Variants in NR2F1-AS1 observed in about 807,000 individuals in gnomAD.
The protein encoded by NR2F1-AS1 is NR2F1 antisense RNA 1.
intron 4 of NR2F1-AS1, among the ~76,000 whole-genome samples, chr5:93,488,157 A>G (rs1044453785): frequency 6.6e-6 from 1 of 152,250 alleles, no homozygotes; most frequent in Non-Finnish European, 1.5e-5. Context: ...AAACCTATGC[A>G]ATATCATTCA....
At chr5:93,584,506 T>A (rs1346411462), upstream of NR2F1-AS1, 1 of 146,178 alleles carries the variant, frequency 6.8e-6, no homozygotes, top group African/African-American at 2.5e-5. Flanking sequence ...CCGTGGCCCA[T>A]GCCCGCCGCC....
chr5:93,524,994 T>A (rs1401486709), intron 4 of NR2F1-AS1, among the ~76,000 whole-genome samples: 2 of 152,156 alleles, frequency 1.3e-5, no homozygotes, highest in Non-Finnish European at 2.9e-5. Context: ...CAGGATCAAA[T>A]TCACATATAA....
intron 4 of NR2F1-AS1, among the ~76,000 whole-genome samples, chr5:93,527,085 T>C (rs1367061383): frequency 7.2e-5 from 11 of 152,298 alleles, no homozygotes; most frequent in Admixed American, 5.2e-4. Context: ...CATGACTGTA[T>C]ATTTAGAAAA....
chr5:93,565,201 T>G (rs1443976911), intron 1 of NR2F1-AS1, among the ~76,000 whole-genome samples: 4 of 152,148 alleles, frequency 2.6e-5, no homozygotes, highest in Admixed American at 2.6e-4. Flanking sequence ...CTCTGTCTTT[T>G]GTTTGTTTCA....
chr5:93,418,822 T>C (rs999118535), intron 4 of NR2F1-AS1, among the ~76,000 whole-genome samples: 3 of 152,168 alleles, frequency 2.0e-5, no homozygotes, highest in African/African-American at 4.8e-5. Flanking sequence ...TAATCAATTT[T>C]GATTTCAAGT....
chr5:93,530,572 T>C lies in NR2F1-AS1; in HGVS notation n.638+23189A>G, dbSNP rs893036356. 2.0e-5 allele frequency among the ~76,000 whole-genome samples: 3 copies of C among 152,182 alleles called. No homozygotes were observed. In the South Asian group the frequency reaches 6.2e-4, roughly 32 times the overall value. Reference sequence around the variant, plus strand: ...CCAATGGTAACAACCTTACTAGTAGTTGAGTGGCAAAGAGAAACAGATAAA... The same window carrying C: ...CCAATGGTAACAACCTTACTAGTAGCTGAGTGGCAAAGAGAAACAGATAAA... On this transcript the variant is annotated intron_variant and non_coding_transcript_variant, in intron 4 of 5. Coordinates refer to ENST00000660523, the Ensembl canonical transcript of NR2F1-AS1.
At chr5:93,516,189 C>G (rs1751398096) in intron 4 of NR2F1-AS1, among the ~76,000 whole-genome samples, 1 of 151,832 alleles carries the variant, frequency 6.6e-6, no homozygotes, top group African/African-American at 2.4e-5. Context: ...AACACACTTA[C>G]AGAGTGTTTT....
intron 4 of NR2F1-AS1, among the ~76,000 whole-genome samples, chr5:93,482,841 T>C (rs1399267371): frequency 1.3e-5 from 2 of 152,166 alleles, no homozygotes; most frequent in African/African-American, 4.8e-5. Flanking sequence ...TCTGGGAAGT[T>C]CCAACTGGGC....
intron 4 of NR2F1-AS1, among the ~76,000 whole-genome samples, chr5:93,474,130 T>A (rs1036662847): frequency 6.6e-6 from 1 of 152,158 alleles, no homozygotes; most frequent in Non-Finnish European, 1.5e-5. Context: ...TCTCCTCTAA[T>A]GTTTCAATAA....
At chr5:93,529,065 A>G (rs1751681375) in intron 4 of NR2F1-AS1, among the ~76,000 whole-genome samples, 2 of 152,296 alleles carry the variant, frequency 1.3e-5, no homozygotes, top group African/African-American at 4.8e-5. Flanking sequence ...ATAGAATGTG[A>G]GTAATGAAGA....
chr5:93,530,098 T>TTTTA (rs1751704249), intron 4 of NR2F1-AS1, among the ~76,000 whole-genome samples: 1 of 142,178 alleles, frequency 7.0e-6, no homozygotes, highest in African/African-American at 2.6e-5. Context: ...TTTTTTTTTT[T>TTTTA]GAGACGGAGT....
intron 4 of NR2F1-AS1, among the ~76,000 whole-genome samples, chr5:93,522,775 C>A (rs912878584): frequency 6.6e-6 from 1 of 152,170 alleles, no homozygotes; most frequent in Non-Finnish European, 1.5e-5. Flanking sequence ...CCAAGGGAAG[C>A]CATGAGAGAC....
intron 4 of NR2F1-AS1, among the ~76,000 whole-genome samples, chr5:93,506,218 C>A (rs529005032): frequency 6.6e-6 from 1 of 152,278 alleles, no homozygotes; most frequent in Non-Finnish European, 1.5e-5. Context: ...CCAACAAGTA[C>A]CTCATCTCCA....
At chr5:93,425,408 T>G (rs973559894) in intron 4 of NR2F1-AS1, among the ~76,000 whole-genome samples, 8 of 152,214 alleles carry the variant, frequency 5.3e-5, no homozygotes, top group African/African-American at 1.9e-4. Flanking sequence ...TCTGCACTGT[T>G]TGCTAATATC....
chr5:93,495,784 G>T (rs577261634), intron 4 of NR2F1-AS1, among the ~76,000 whole-genome samples: 32 of 152,034 alleles, frequency 2.1e-4, no homozygotes, highest in Non-Finnish European at 3.5e-4. Flanking sequence ...ATATGATGAA[G>T]AGGAAATTAT....
chr5:93,584,521 G>T (rs1404092653), upstream of NR2F1-AS1: 1 of 149,102 alleles, frequency 6.7e-6, no homozygotes, highest in African/African-American at 2.4e-5. Flanking sequence ...GCCGCCCCCG[G>T]CGCTGCGCCC....
chr5:93,485,002 C>A (rs1055156505), intron 4 of NR2F1-AS1, among the ~76,000 whole-genome samples: 7 of 152,072 alleles, frequency 4.6e-5, no homozygotes, highest in African/African-American at 1.7e-4. Context: ...TAGAATCCCA[C>A]ACAATAATAC....
intron 4 of NR2F1-AS1, among the ~76,000 whole-genome samples, chr5:93,456,979 C>T (rs1405636179): frequency 6.6e-6 from 1 of 152,208 alleles, no homozygotes; most frequent in African/African-American, 2.4e-5. Context: ...TTGCCGCCAG[C>T]ATGTCTCACC....
intron 1 of NR2F1-AS1, among the ~76,000 whole-genome samples, chr5:93,578,347 G>T (rs190982231): frequency 6.6e-6 from 1 of 152,242 alleles, no homozygotes; most frequent in East Asian, 1.9e-4. Context: ...GGTACTATAG[G>T]CTTACAGCCT....
Sources: gnomAD v4.1 joint callset for allele counts (sites outside exome capture counted in the v4.1 genomes callset) on GRCh38, gnomAD v4.1.1 for gene constraint, MANE v1.5 for transcripts, NCBI Gene and HGNC (gene_info 2026-07-23, HGNC 2026-07-21) for gene names.